Variants in GADL1 observed in about 807,000 individuals in gnomAD.
The protein encoded by GADL1 is GAD like acidic amino acid decarboxylase 1, also known as acidic amino acid decarboxylase GADL1.
Under a neutral mutation model 69.5 loss-of-function variants are expected in GADL1, and 71 were observed. The ratio of observed to expected loss-of-function variants is 1.02; its 90% CI spans 0.84 to 1.25. GADL1 has a LOEUF of 1.25. GADL1 is among the 50% of genes most tolerant of loss of function. GADL1 has a pLI of 0.00. For missense variants in GADL1, 737 were observed against 631.8 expected, an observed-to-expected ratio of 1.17 and a Z score of -1.79; for synonymous variants, 254 against 214.4, an observed-to-expected ratio of 1.18 and a Z score of -1.62.
At chr3:30,768,963 C>CT (rs917152183) in intron 14 of GADL1, among the ~76,000 whole-genome samples, 1 of 152,118 alleles carries the variant, frequency 6.6e-6, no homozygotes, top group African/African-American at 2.4e-5. Flanking sequence ...TGGAAAAAGT[C>CT]TTTTCCTTTC....
At chr3:30,740,991 T>TAATATATTAA (rs1695612221) in intron 14 of GADL1, among the ~76,000 whole-genome samples, 1 of 104,698 alleles carries the variant, frequency 9.6e-6, no homozygotes, top group African/African-American at 4.2e-5. Context: ...ATATTATATA[T>TAATATATTAA]TATATATTAA....
At chr3:30,892,464 C>T (rs1393106535) in intron 1 of GADL1, among the ~76,000 whole-genome samples, 1 of 152,198 alleles carries the variant, frequency 6.6e-6, no homozygotes, top group African/African-American at 2.4e-5. Context: ...ATCACCTGCT[C>T]AAGGATAACC....
chr3:30,852,645 A>AT (rs1379749776), intron 4 of GADL1, among the ~76,000 whole-genome samples: 10 of 147,644 alleles, frequency 6.8e-5, no homozygotes, highest in Admixed American at 2.0e-4. Context: ...TTTCATAATA[A>AT]AAAAAAAAAG....
At chr3:30,780,198 TAGCTTGCAGTGATTTCC>T (rs1696633512) in intron 13 of GADL1, among the ~76,000 whole-genome samples, 1 of 152,174 alleles carries the variant, frequency 6.6e-6, no homozygotes, top group Non-Finnish European at 1.5e-5. Context: ...TCCTTCTAGG[TAGCTTGCAGTGATTTCC>T]AAGTTGTGGC....
At chr3:30,829,186 GT>G (rs1202109862) in intron 11 of GADL1, among the ~76,000 whole-genome samples, 1 of 151,568 alleles carries the variant, frequency 6.6e-6, no homozygotes, top group African/African-American at 2.4e-5. Flanking sequence ...ATAATCACAG[GT>G]TTTTTTTAAA....
intron 8 of GADL1, among the ~76,000 whole-genome samples, chr3:30,839,568 G>T (rs1005650646): frequency 1.2e-4 from 17 of 138,820 alleles, no homozygotes; most frequent in African/African-American, 4.5e-4. Context: ...ATGCAGGCCT[G>T]TTTGCTCATC....
At chr3:30,847,857 GCCCCA>G (rs1204364252) in intron 6 of GADL1, among the ~76,000 whole-genome samples, 1 of 152,120 alleles carries the variant, frequency 6.6e-6, no homozygotes, top group Non-Finnish European at 1.5e-5. Flanking sequence ...CAATTCATAA[GCCCCA>G]CCTGTTACTG....
intron 14 of GADL1, among the ~76,000 whole-genome samples, chr3:30,748,981 A>G (rs1057461101): frequency 6.6e-6 from 1 of 152,232 alleles, no homozygotes; most frequent in Non-Finnish European, 1.5e-5. Flanking sequence ...AAGACAAAGC[A>G]AAACAACAAC....
intron 12 of GADL1, among the ~76,000 whole-genome samples, chr3:30,795,988 CAAT>C (rs1208064942): frequency 1.3e-5 from 2 of 152,184 alleles, no homozygotes; most frequent in Admixed American, 6.5e-5. Flanking sequence ...CATTTACAAA[CAAT>C]AAGTGTTTGT....
chr3:30,789,378 A>G (rs1696866728), intron 12 of GADL1, among the ~76,000 whole-genome samples: 1 of 152,196 alleles, frequency 6.6e-6, no homozygotes, highest in South Asian at 2.1e-4. Context: ...TGCCATAAAG[A>G]GATGTGCTGT....
intron 1 of GADL1, among the ~76,000 whole-genome samples, chr3:30,887,728 A>C (rs1477276548): frequency 6.6e-6 from 1 of 152,206 alleles, no homozygotes; most frequent in Non-Finnish European, 1.5e-5. Context: ...TTACAAGCTG[A>C]ATGGCCCTGG....
At chr3:30,832,394 C>T (rs1158738095) in intron 11 of GADL1, among the ~76,000 whole-genome samples, 3 of 149,594 alleles carry the variant, frequency 2.0e-5, no homozygotes, top group African/African-American at 4.9e-5. Flanking sequence ...ATTTAAATTG[C>T]CTCAAGTACA....
intron 11 of GADL1, among the ~76,000 whole-genome samples, chr3:30,826,271 G>GACAAAAGGACACAAAGGC (rs1189000016): frequency 6.6e-6 from 1 of 151,852 alleles, no homozygotes; most frequent in African/African-American, 2.4e-5. Flanking sequence ...AATTAAAGAT[G>GACAAAAGGACACAAAGGC]ACAAAAGGAC....
At chr3:30,735,609 G>A (rs765106446) in intron 14 of GADL1, among the ~76,000 whole-genome samples, 3 of 152,196 alleles carry the variant, frequency 2.0e-5, no homozygotes, top group Non-Finnish European at 4.4e-5. Context: ...GAGAAGAGAT[G>A]AGTGGTTGCC....
At chr3:30,824,932 A>G (rs1183454273) in intron 11 of GADL1, among the ~76,000 whole-genome samples, 1 of 151,922 alleles carries the variant, frequency 6.6e-6, no homozygotes, top group African/African-American at 2.4e-5. Context: ...TCTATCTTAT[A>G]CTTCATAATT....
At chr3:30,764,524 G>A (rs929091333) in intron 14 of GADL1, among the ~76,000 whole-genome samples, 1 of 152,018 alleles carries the variant, frequency 6.6e-6, no homozygotes, top group Non-Finnish European at 1.5e-5. Context: ...CGTACTACTT[G>A]GTCCCTTGTT....
intron 14 of GADL1, among the ~76,000 whole-genome samples, chr3:30,754,860 ATTT>A (rs10687426): frequency 2.0e-5 from 3 of 151,790 alleles, no homozygotes; most frequent in Non-Finnish European, 2.9e-5. Flanking sequence ...CAGGGCACTG[ATTT>A]TTTTTCTGAA....
intron 14 of GADL1, among the ~76,000 whole-genome samples, chr3:30,736,317 C>G (rs1011995742): frequency 1.3e-5 from 2 of 152,052 alleles, no homozygotes; most frequent in African/African-American, 4.8e-5. Flanking sequence ...TCCTGAGATT[C>G]TCTGTGACTT....
chr3:30,892,557 T>TTCAGCTACCAAAGCCAC (rs1181331057), intron 1 of GADL1, among the ~76,000 whole-genome samples: 1 of 152,234 alleles, frequency 6.6e-6, no homozygotes, highest in Non-Finnish European at 1.5e-5. Context: ...AAATCATATA[T>TTCAGCTACCAAAGCCAC]TCAGCTACCA....
Sources: allele counts gnomAD v4.1 joint callset (sites outside exome capture counted in the v4.1 genomes callset), GRCh38; gene constraint gnomAD v4.1.1; transcripts MANE v1.5; gene names NCBI Gene and HGNC (gene_info 2026-07-23, HGNC 2026-07-21).